Variants in SKIC8 observed in about 807,000 individuals in gnomAD.
The protein encoded by SKIC8 is superkiller complex protein 8.
At chr15:78,288,564 C>A in the SKIC8 span, among the ~76,000 whole-genome samples, 1 of 152,148 alleles carries the variant, frequency 6.6e-6, no homozygotes, top group Admixed American at 6.5e-5. Context: ...ATCCACATAA[C>A]CCCAGTATCT....
the SKIC8 span, among the ~76,000 whole-genome samples, chr15:78,298,340 A>T: frequency 6.6e-6 from 1 of 152,198 alleles, no homozygotes; most frequent in Non-Finnish European, 1.5e-5. Context: ...ATGTACAATG[A>T]ATCCGGTCCT....
At chr15:78,295,775 A>G in the SKIC8 span, 6,829 of 1,443,764 alleles carry the variant, frequency 4.7e-3, 250 homozygotes, top group African/African-American at 0.082. Flanking sequence ...TCAGGATAGA[A>G]GGCACACAGG....
chr15:78,292,821 A>G, the SKIC8 span: 1 of 1,608,940 alleles, frequency 6.2e-7, no homozygotes, highest in South Asian at 1.1e-5. Flanking sequence ...GGATTTCTTC[A>G]CAAAGAACAC....
At chr15:78,287,618 G>A in the SKIC8 span, among the ~76,000 whole-genome samples, 3 of 152,300 alleles carry the variant, frequency 2.0e-5, no homozygotes, top group Admixed American at 6.5e-5. Flanking sequence ...CTGGCAGTGA[G>A]AGCTGACCAT....
the SKIC8 span, chr15:78,283,270 A>T: frequency 3.5e-6 from 2 of 574,484 alleles, no homozygotes; most frequent in Non-Finnish European, 6.0e-6. Flanking sequence ...AAGTATGAAC[A>T]GCATTTCCAA....
chr15:78,295,189 C>A, the SKIC8 span: 38 of 581,652 alleles, frequency 6.5e-5, no homozygotes, highest in African/African-American at 6.7e-4. Flanking sequence ...CTGACATTCT[C>A]CCCTCCTTCC....
chr15:78,288,299 T>G, the SKIC8 span: 1 of 1,613,830 alleles, frequency 6.2e-7, no homozygotes, highest in Non-Finnish European at 8.5e-7. Flanking sequence ...ACATCATAGA[T>G]CTTGATGTAG....
At chr15:78,285,770 T>C in the SKIC8 span, 1 of 456,882 alleles carries the variant, frequency 2.2e-6, no homozygotes, top group Non-Finnish European at 3.9e-6. Flanking sequence ...AAGTTACCAT[T>C]GGAACACAAG....
chr15:78,285,527 G>A, the SKIC8 span: 2 of 602,934 alleles, frequency 3.3e-6, no homozygotes, highest in African/African-American at 1.9e-5. Context: ...CTGAAATTGT[G>A]ATCTGCCTGG....
the SKIC8 span, among the ~76,000 whole-genome samples, chr15:78,287,378 G>GA: frequency 6.6e-6 from 1 of 152,146 alleles, no homozygotes; most frequent in African/African-American, 2.4e-5. Flanking sequence ...CCTTTTGCCA[G>GA]AAAAAACTGC....
chr15:78,296,426 A>T, the SKIC8 span, among the ~76,000 whole-genome samples: 2 of 147,978 alleles, frequency 1.4e-5, no homozygotes, highest in African/African-American at 5.0e-5. Flanking sequence ...AATAAAAAAT[A>T]AAAAAAAAAG....
chr15:78,291,515 G>A, the SKIC8 span, among the ~76,000 whole-genome samples: 2 of 152,056 alleles, frequency 1.3e-5, no homozygotes, highest in Non-Finnish European at 2.9e-5. Context: ...CCCACCCCAC[G>A]TACTCTGAAC....
the SKIC8 span, chr15:78,285,843 G>A: frequency 2.0e-6 from 1 of 503,446 alleles, no homozygotes; most frequent in Non-Finnish European, 3.6e-6. Flanking sequence ...GAGTTTTACT[G>A]TTTAAAAGGA....
the SKIC8 span, chr15:78,283,537 AAGAT>A: frequency 1.9e-6 from 3 of 1,580,954 alleles, no homozygotes; most frequent in Middle Eastern, 1.7e-4. Context: ...AATTTAAAAA[AAGAT>A]AGTTCTACAA....
At chr15:78,294,866 G>A in the SKIC8 span, 12 of 1,567,026 alleles carry the variant, frequency 7.7e-6, no homozygotes, top group Admixed American at 6.7e-5. Context: ...TGCATGTCTG[G>A]TCAGCATGAC....
chr15:78,285,969 TA>T, the SKIC8 span: 2 of 1,281,124 alleles, frequency 1.6e-6, no homozygotes, highest in Non-Finnish European at 2.2e-6. Flanking sequence ...CTTTAAATGT[TA>T]AGGCAATCTA....
the SKIC8 span, chr15:78,283,331 C>T: frequency 8.9e-6 from 8 of 898,726 alleles, no homozygotes; most frequent in East Asian, 5.2e-5. Flanking sequence ...GTCTTTGCTA[C>T]AATAAATGCT....
the SKIC8 span, among the ~76,000 whole-genome samples, chr15:78,298,414 T>C: frequency 6.6e-6 from 1 of 152,202 alleles, no homozygotes; most frequent in Non-Finnish European, 1.5e-5. Flanking sequence ...CTAGGTACAG[T>C]AGTTCTTTAG....
chr15:78,295,480 C>A, the SKIC8 span: 6 of 694,484 alleles, frequency 8.6e-6, no homozygotes, highest in South Asian at 8.9e-5. Flanking sequence ...TTGGATGAAC[C>A]AATCCTCCTC....
Sources: gnomAD v4.1 joint callset for allele counts (sites outside exome capture counted in the v4.1 genomes callset) on GRCh38, gnomAD v4.1.1 for gene constraint, MANE v1.5 for transcripts, NCBI Gene and HGNC (gene_info 2026-07-23, HGNC 2026-07-21) for gene names.